The following ADD1 variants were observed in gnomAD, a reference collection of about 807,000 sequenced individuals.
The protein encoded by ADD1 is adducin 1, also known as alpha-adducin.
ADD1 carries 24 observed loss-of-function variants against 80.5 expected under a neutral mutation model. The ratio of observed to expected loss-of-function variants is 0.30; its 90% CI spans 0.22 to 0.42. ADD1 has a LOEUF of 0.42. ADD1 is among the 10% of genes least tolerant of loss of function. ADD1 has a pLI of 1.00. For missense variants in ADD1, 948 were observed against 1,019.0 expected, an observed-to-expected ratio of 0.93 and a Z score of 0.95; for synonymous variants, 373 against 393.8, an observed-to-expected ratio of 0.95 and a Z score of 0.63.
intron 10 of ADD1, chr4:2,907,104 T>A (rs1737187825): frequency 6.6e-6 from 1 of 152,156 alleles, no homozygotes; most frequent in Non-Finnish European, 1.5e-5. Context: ...TCAAGTTTGT[T>A]TGGGATATTT....
intron 4 of ADD1, among the ~76,000 whole-genome samples, chr4:2,885,759 G>A (rs371030495): frequency 4.3e-4 from 65 of 151,848 alleles, no homozygotes; most frequent in East Asian, 3.3e-3. Context: ...ACAGGCGCCC[G>A]CCACCACGCC....
At chr4:2,847,314 G>A (rs1464427636) in intron 1 of ADD1, among the ~76,000 whole-genome samples, 6 of 152,076 alleles carry the variant, frequency 3.9e-5, no homozygotes, top group African/African-American at 1.4e-4. Context: ...CCCACTACTA[G>A]GGAGGCTGAG....
intron 4 of ADD1, among the ~76,000 whole-genome samples, chr4:2,889,785 G>C (rs1351582641): frequency 5.3e-5 from 8 of 152,106 alleles, no homozygotes. Context: ...TTGTGCCACT[G>C]CACTCCAGCC....
At chr4:2,846,590 T>C (rs1420011697) in intron 1 of ADD1, among the ~76,000 whole-genome samples, 2 of 152,188 alleles carry the variant, frequency 1.3e-5, no homozygotes, top group Non-Finnish European at 2.9e-5. Flanking sequence ...GAGGTATCTC[T>C]TACAGAAAAG....
intron 1 of ADD1, among the ~76,000 whole-genome samples, chr4:2,857,037 T>C (rs1235952402): frequency 6.6e-6 from 1 of 151,824 alleles, no homozygotes; most frequent in African/African-American, 2.4e-5. Context: ...CTCAGCCTCC[T>C]GAGTAGCTGG....
chr4:2,875,114 A>C (rs570012728), intron 1 of ADD1, among the ~76,000 whole-genome samples: 1 of 152,232 alleles, frequency 6.6e-6, no homozygotes, highest in East Asian at 1.9e-4. Context: ...TGATAGTCCC[A>C]GCTGCTTGGG....
At chr4:2,910,383 A>G (rs1439205602) in intron 13 of ADD1, among the ~76,000 whole-genome samples, 1 of 151,954 alleles carries the variant, frequency 6.6e-6, no homozygotes, top group African/African-American at 2.4e-5. Context: ...TAATAACATT[A>G]TTTTGCATAT....
Position 2,899,386 on chromosome 4 carries a change from A to G in ADD1, c.1112A>G (p.Gln371Arg), listed in dbSNP as rs145398161. Residue 371 changes from glutamine to arginine, a missense_variant, in exon 9 of 16, where the codon CAG becomes CGG. Gln to Arg is a conservative substitution (Grantham distance 43). Transcript: ENST00000683351. Reference sequence around the variant, plus strand: ...GGCACTGGATCGCCTCCCAAGTGGCAGATTGGTGAGCAGGAATTTGAAGCC... The same window carrying G: ...GGCACTGGATCGCCTCCCAAGTGGCGGATTGGTGAGCAGGAATTTGAAGCC... ...GEGTGSPPKW[Q>R]IGEQEFEALM... 3 of 1,614,218 alleles carry G rather than the reference A, an allele frequency of 1.9e-6. No individual in the cohort carries two copies. The highest frequency in any genetic ancestry group is 1.3e-5 in the African/African-American group (1 of 75,052).
intron 9 of ADD1, among the ~76,000 whole-genome samples, chr4:2,903,229 AT>A (rs1736486384): frequency 6.6e-6 from 1 of 152,056 alleles, no homozygotes. Context: ...CCAAGTCCTG[AT>A]TCTCTTGTGA....
intron 13 of ADD1, among the ~76,000 whole-genome samples, chr4:2,911,277 C>T (rs1213502645): frequency 1.3e-5 from 2 of 152,066 alleles, no homozygotes; most frequent in African/African-American, 4.8e-5. Context: ...CTTTGCCTTC[C>T]ATTTCTCCCT....
At chr4:2,880,873 T>C (rs531062385) in intron 2 of ADD1, among the ~76,000 whole-genome samples, 27 of 152,118 alleles carry the variant, frequency 1.8e-4, no homozygotes, top group Non-Finnish European at 3.7e-4. Context: ...TCTATTAAAA[T>C]CACCATCAAT....
chr4:2,907,914 G>A, intron 11 of ADD1, 70 bp downstream of exon 11: 3 of 1,296,432 alleles, frequency 2.3e-6, no homozygotes, highest in South Asian at 1.2e-5. Flanking sequence ...TGCTTTGGGG[G>A]GAGCGGGTGC....
At chr4:2,906,600 G>A (rs937179739) in intron 10 of ADD1, among the ~76,000 whole-genome samples, 1 of 152,204 alleles carries the variant, frequency 6.6e-6, no homozygotes, top group Non-Finnish European at 1.5e-5. Context: ...GTTTCTTACT[G>A]TTCTGGAGTG....
chr4:2,845,716 G>A (rs1472744126), intron 1 of ADD1, among the ~76,000 whole-genome samples: 1 of 152,040 alleles, frequency 6.6e-6, no homozygotes, highest in Non-Finnish European at 1.5e-5. Flanking sequence ...TTTGTTTGGT[G>A]TTCAGTTTTG....
chr4:2,880,428 C>T (rs561538680), intron 2 of ADD1, among the ~76,000 whole-genome samples: 1 of 127,018 alleles, frequency 7.9e-6, no homozygotes, highest in East Asian at 2.6e-4. Flanking sequence ...TACCGGATAT[C>T]ATTTATAATT....
chr4:2,895,937 G>T (rs1309151780), intron 6 of ADD1, among the ~76,000 whole-genome samples: 1 of 151,634 alleles, frequency 6.6e-6, no homozygotes, highest in Non-Finnish European at 1.5e-5. Context: ...ATCCAGGCTG[G>T]AGTGCAATGG....
Position 2,881,881 on chromosome 4 carries a change from T to A in ADD1, c.196-17T>A. 6.3e-7 allele frequency: 1 copy of A among 1,589,626 alleles called. No homozygotes were observed. The highest frequency in any genetic ancestry group is 1.2e-5 in the South Asian group (1 of 86,802). On this transcript the variant is annotated splice_polypyrimidine_tract_variant and intron_variant, in intron 2 of 15. Transcript: ENST00000683351. ...AGAAAATAAATGGTATCTCAGTGTT[T>A]TAATATTTTTTATTAGGCTTTCTGT...
In ADD1 at chr4:2,872,735, T is replaced by C. The variant is rs990804153; in HGVS notation, c.-20-3161T>C. On this transcript the variant is annotated intron_variant, in intron 1 of 15. Transcript: ENST00000683351. ...TCACTCCTGGCTAATTTTTTTGATT[T>C]TTTTTGTTGAGATGCAGTCTTTACT... 6.6e-5 allele frequency among the ~76,000 whole-genome samples: 10 copies of C among 152,242 alleles called. No homozygotes were observed. The Middle Eastern group carries it at 0.01, about 156-fold the overall frequency.
chr4:2,876,110 T>C lies in ADD1; in HGVS notation c.195T>C (p.Pro65=). The change falls in exon 2 of 16, where the codon CCT becomes CCC. Residue 65 remains proline (P), a splice_region_variant and synonymous_variant. Coordinates refer to ENST00000683351, the MANE Select transcript of ADD1 (RefSeq NM_001354761.2). ...KKRVSMILQS[P]AFCEELESMI... is the part of the protein sequence containing the mutation. The stretch of plus-strand genomic sequence containing the variant: ...GGGTGTCCATGATTCTGCAAAGCCC[T>C]GTGAGAAGAGAAGTCTTTTCTCTGA... 6.2e-7 allele frequency: 1 copy of C among 1,610,512 alleles called. No homozygotes were observed. Among genetic ancestry groups the C allele is most frequent in the Non-Finnish European group, 8.5e-7 (1 of 1,178,720 alleles).
Sources: gnomAD v4.1 joint callset for allele counts (sites outside exome capture counted in the v4.1 genomes callset) on GRCh38, gnomAD v4.1.1 for gene constraint, MANE v1.5 for transcripts, NCBI Gene and HGNC (gene_info 2026-07-23, HGNC 2026-07-21) for gene names.